The following SEMA4A variants were observed in gnomAD, a reference collection of about 807,000 sequenced individuals.
SEMA4A encodes semaphorin 4A, also known as semaphorin-4A.
Under a neutral mutation model 72.5 loss-of-function variants are expected in SEMA4A, and 52 were observed. The ratio of observed to expected loss-of-function variants is 0.72; its 90% confidence interval spans 0.57 to 0.90. The LOEUF (loss-of-function observed/expected upper bound fraction) is 0.90. Among genes scored for constraint, SEMA4A ranks in the 40% least tolerant of loss-of-function variants. The pLI is 0.00. For synonymous variants in SEMA4A, 369 were observed against 393.1 expected, an observed-to-expected ratio of 0.94 and a Z score of 0.73; for missense variants, 926 against 959.7, an observed-to-expected ratio of 0.96 and a Z score of 0.46.
rs1324002929 is a variant in SEMA4A at position 156,158,607 on chromosome 1, C to G, written c.463-112C>G. 4 of 1,294,614 alleles carry G rather than the reference C, an allele frequency of 3.1e-6. No individual in the cohort carries two copies. In the East Asian group the frequency reaches 9.2e-5, roughly 30 times the overall value. The allele number at this position is 1,294,614 out of a possible 1,614,324, so 80.2% of individuals were successfully genotyped here. On this transcript the variant is annotated intron_variant, in intron 5 of 14. Coordinates refer to ENST00000368285, the MANE Select transcript of SEMA4A (RefSeq NM_022367.4). ...CAGATGCAGGACCCTCATGAACTTC[C>G]TGGCCCCAGACCAATTTCCCTCTAT...
intron 11 of SEMA4A, 28 bp downstream of exon 11, chr1:156,173,034 C>G (rs1266488239): frequency 3.1e-6 from 5 of 1,608,314 alleles, no homozygotes; most frequent in Admixed American, 3.4e-5. Context: ...GGACATCCCC[C>G]AGAGGACTAG....
chr1:156,169,084 C>G (rs1314363250), intron 10 of SEMA4A, among the ~76,000 whole-genome samples: 1 of 152,198 alleles, frequency 6.6e-6, no homozygotes, highest in Non-Finnish European at 1.5e-5. Context: ...GGGGCAGTCA[C>G]CCAGCTCTGT....
rs1653236466 is a variant in SEMA4A, at chr1:156,158,258, A to G, written c.363+126A>G. 4.7e-6 allele frequency: 6 copies of G among 1,285,652 alleles called. No homozygotes were observed. The South Asian group carries it at 7.1e-5, about 15-fold the overall frequency. The allele number at this position is 1,285,652 out of a possible 1,614,324, so 79.6% of individuals were successfully genotyped here. On this transcript the variant is annotated intron_variant, in intron 4 of 14. Coordinates refer to ENST00000368285, the MANE Select transcript of SEMA4A (RefSeq NM_022367.4). ...TGTTTGCACGGTTATCTCCTGGATT[A>G]TGTTCTACAGAGGCGTACAGGGACT... is the stretch of plus-strand genomic sequence containing the variant.
At chr1:156,165,907 C>CTTT (rs71080751) in intron 10 of SEMA4A, among the ~76,000 whole-genome samples, 25,373 of 112,778 alleles carry the variant, frequency 0.22, 4,176 homozygotes, top group African/African-American at 0.27. Context: ...TTCCTATCTT[C>CTTT]TTTTTTTTTT....
At chr1:156,153,472 G>A (rs1652714331), upstream of SEMA4A, 1 of 152,222 alleles carries the variant, frequency 6.6e-6, no homozygotes, top group Non-Finnish European at 1.5e-5. Flanking sequence ...TGTGTCTCTT[G>A]TGAGGTGGGT....
chr1:156,156,147 G>A, intron 2 of SEMA4A: 1 of 458,480 alleles, frequency 2.2e-6, no homozygotes, highest in South Asian at 2.0e-5. Context: ...CCCAGGCCTG[G>A]AAGAGCATCC....
intron 2 of SEMA4A, 70 bp downstream of exon 2, chr1:156,154,787 G>A: frequency 6.5e-7 from 1 of 1,527,904 alleles, no homozygotes; most frequent in Non-Finnish European, 8.8e-7. Flanking sequence ...GAAGGAGAGA[G>A]GAACAGAGGA....
intron 10 of SEMA4A, among the ~76,000 whole-genome samples, chr1:156,167,008 C>T (rs1277929830): frequency 6.6e-6 from 1 of 151,896 alleles, no homozygotes. Flanking sequence ...TCAAGTGATC[C>T]TCCTACCTCA....
upstream of SEMA4A, among the ~76,000 whole-genome samples, chr1:156,151,838 CAAAAAAAAA>C (rs546304826): frequency 7.4e-4 from 13 of 17,532 alleles, no homozygotes; most frequent in African/African-American, 1.6e-3. Flanking sequence ...CACTTCGTCT[CAAAAAAAAA>C]AAAAAAAAAA....
At chr1:156,174,734 C>A in intron 11 of SEMA4A, 88 bp from the exon 12 acceptor site, 1 of 1,559,534 alleles carries the variant, frequency 6.4e-7, no homozygotes, top group Non-Finnish European at 8.8e-7. Context: ...TCAGAAGGAG[C>A]TTTCTTACAG....
Position 156,172,986 on chromosome 1 carries a change from T to C in SEMA4A, c.1295T>C (p.Leu432Pro). ...TAQGLDGHSH[L>P]VMYLGTTTGS... is the part of the protein sequence containing the mutation. ...CAGGGCCTTGATGGGCACAGCCATCTTGTCATGTACCTGGGAACCAGTGAG... is the reference window on the plus strand; with the variant it reads ...CAGGGCCTTGATGGGCACAGCCATCCTGTCATGTACCTGGGAACCAGTGAG... The change falls in exon 11 of 15, where the codon CTT (leucine) becomes CCT (proline). Residue 432 changes from leucine (L) to proline (P), a missense_variant. Leu to Pro is a moderately conservative substitution (Grantham distance 98, BLOSUM62 -3). Transcript: ENST00000368285. The C allele has an allele frequency of 1.9e-6, 3 of 1,614,088 alleles. No individual in the cohort carries two copies. Among genetic ancestry groups the C allele is most frequent in the South Asian group, 1.1e-5 (1 of 91,076 alleles).
At chr1:156,154,952 G>A (rs1263189849) in intron 2 of SEMA4A, 2 of 576,436 alleles carry the variant, frequency 3.5e-6, no homozygotes, top group Non-Finnish European at 6.1e-6. Flanking sequence ...TGGCCACGGG[G>A]CCAGGGGCAC....
intron 3 of SEMA4A, among the ~76,000 whole-genome samples, chr1:156,156,807 G>T (rs148209412): frequency 4.7e-5 from 7 of 149,414 alleles, no homozygotes; most frequent in African/African-American, 1.7e-4. Flanking sequence ...ACAGTGGCAC[G>T]ATCTTGGCTC....
chr1:156,150,705 C>A (rs923060492), upstream of SEMA4A, among the ~76,000 whole-genome samples: 1 of 152,076 alleles, frequency 6.6e-6, no homozygotes, highest in South Asian at 2.1e-4. Flanking sequence ...AGCATAGAGT[C>A]GGGGCGGGAA....
chr1:156,172,756 C>T, intron 10 of SEMA4A, 70 bp from the exon 11 acceptor site: 1 of 1,377,456 alleles, frequency 7.3e-7, no homozygotes. Flanking sequence ...GGGAGAAGAG[C>T]AGGCGTTGGA....
At chr1:156,152,065 A>G (rs1652583287), upstream of SEMA4A, among the ~76,000 whole-genome samples, 2 of 151,282 alleles carry the variant, frequency 1.3e-5, no homozygotes. Context: ...GAGTCTTTGT[A>G]GCTAAGAGAT....
In SEMA4A at chr1:156,176,857, G is replaced by A; in HGVS notation, c.2146G>A (p.Val716Ile). 2 of 1,614,252 alleles carry A rather than the reference G, an allele frequency of 1.2e-6. No individual in the cohort carries two copies. The highest frequency in any genetic ancestry group is 1.3e-5 in the African/African-American group (1 of 75,068). The change falls in exon 15 of 15, where the codon GTT (valine) becomes ATT (isoleucine). Residue 716 changes from valine (V) to isoleucine (I), a missense_variant. Transcript: ENST00000368285. ...GAGAGCACTCCGGGCTCGGGGCAAGGTTCAGGGCTGTGAGACCCTGCGCCC... is the reference window on the plus strand; with the variant it reads ...GAGAGCACTCCGGGCTCGGGGCAAGATTCAGGGCTGTGAGACCCTGCGCCC... ...PLRALRARGKVQGCETLRPGE... is the reference protein window; with the variant it reads ...PLRALRARGKIQGCETLRPGE...
intron 9 of SEMA4A, chr1:156,161,747 C>A: frequency 1.9e-6 from 1 of 530,436 alleles, no homozygotes; most frequent in Non-Finnish European, 3.3e-6. Context: ...TGCCTAGTTC[C>A]AAAAGGGATA....
rs1441880539 is a variant in SEMA4A at position 156,176,971 on chromosome 1, A to G, written c.2260A>G (p.Asn754Asp). Residue 754 changes from asparagine (N) to aspartate (D), a missense_variant, in exon 15 of 15, where the codon AAC becomes GAC. Physicochemically the swap from Asn to Asp is conservative, Grantham distance 23 (BLOSUM62 1). Coordinates refer to ENST00000368285, the MANE Select transcript of SEMA4A (RefSeq NM_022367.4). Reference sequence around the variant, plus strand: ...TGCCAGTGATGTGGACGCTGACAACAACTGCCTAGGCACTGAGGTAGCTTA... The same window carrying G: ...TGCCAGTGATGTGGACGCTGACAACGACTGCCTAGGCACTGAGGTAGCTTA... Reference protein sequence around the residue: ...TSASDVDADNNCLGTEVA With the variant: ...TSASDVDADNDCLGTEVA 3 of 1,612,100 alleles carry G rather than the reference A, an allele frequency of 1.9e-6. No homozygotes were observed. The highest frequency in any genetic ancestry group is 1.1e-5 in the South Asian group (1 of 91,092).
Sources: gnomAD v4.1 joint callset for allele counts (sites outside exome capture counted in the v4.1 genomes callset) on GRCh38, gnomAD v4.1.1 for gene constraint, MANE v1.5 for transcripts, NCBI Gene and HGNC (gene_info 2026-07-23, HGNC 2026-07-21) for gene names.